The following ATR variants were observed in gnomAD, a reference collection of about 807,000 sequenced individuals.
ATR encodes the protein ATR checkpoint kinase.
A neutral mutation model predicts 305.3 loss-of-function variants in ATR; 142 were observed. The ratio of observed to expected loss-of-function variants is 0.47; its 90% confidence interval spans 0.41 to 0.53. The LOEUF (loss-of-function observed/expected upper bound fraction) is 0.53, where lower values mean the gene tolerates loss of function less well. Among genes scored for constraint, ATR ranks in the 20% least tolerant of loss-of-function variants. ATR has a pLI of 0.00. For synonymous variants in ATR, 1,050 were observed against 1,068.1 expected (o/e 0.98, Z 0.33); for missense variants, 2,135 against 3,133.1 (o/e 0.68, Z 7.60).
At chr3:142,559,162 C>G in intron 7 of ATR, 89 bp downstream of exon 7, 1 of 1,379,948 alleles carries the variant, frequency 7.2e-7, no homozygotes, top group Non-Finnish European at 1.0e-6. Flanking sequence ...ATTCCAAACA[C>G]GCACTTAGGC....
chr3:142,494,198 G>A (rs1197224539), intron 34 of ATR, among the ~76,000 whole-genome samples: 7 of 152,148 alleles, frequency 4.6e-5, no homozygotes, highest in Admixed American at 4.6e-4. Flanking sequence ...GATGTCCGCA[G>A]GTTATATGCA....
chr3:142,559,296 T>C lies in ATR; in HGVS notation c.1687A>G (p.Ile563Val). The change falls in exon 7 of 47, where the codon ATT becomes GTT. Residue 563 changes from isoleucine (I) to valine (V), a missense_variant. Coordinates refer to ENST00000350721, the MANE Select transcript of ATR (RefSeq NM_001184.4). ...SVQKLDLEAT[I>V]DKVVKIYDAL... is the part of the protein sequence containing the mutation. ...TCATAAATTTTCACCACCTTATCAATGGTTGCCTCCAGGTCCAGTTTCTGA... is the reference window on the plus strand; with the variant it reads ...TCATAAATTTTCACCACCTTATCAACGGTTGCCTCCAGGTCCAGTTTCTGA... The C allele has an allele frequency of 6.2e-7, 1 of 1,614,070 alleles. No individual in the cohort carries two copies. Among genetic ancestry groups the C allele is most frequent in the Non-Finnish European group, 8.5e-7 (1 of 1,179,970 alleles).
chr3:142,559,201 T>C lies in ATR; in HGVS notation c.1732+50A>G, dbSNP rs531332221. 78 of 1,573,824 alleles carry C rather than the reference T, an allele frequency of 5.0e-5. No homozygotes were observed. The South Asian group carries it at 8.3e-4, about 17-fold the overall frequency. On this transcript the variant is annotated intron_variant, in intron 7 of 46. Coordinates refer to ENST00000350721, the MANE Select transcript of ATR (RefSeq NM_001184.4). The stretch of plus-strand genomic sequence containing the variant: ...AGGCAAAAAAGAAAGCATATTTCTA[T>C]ACTGATTATCTTTAAAGGTTATTCT...
At chr3:142,479,842 T>G (rs1239471330) in intron 36 of ATR, among the ~76,000 whole-genome samples, 4 of 152,238 alleles carry the variant, frequency 2.6e-5, no homozygotes, top group African/African-American at 9.6e-5. Flanking sequence ...TCATTTGATC[T>G]TCAATCACTG....
intron 16 of ATR, among the ~76,000 whole-genome samples, chr3:142,547,251 G>C (rs1400265961): frequency 6.6e-6 from 1 of 152,006 alleles, no homozygotes; most frequent in Non-Finnish European, 1.5e-5. Flanking sequence ...TCCAATAATG[G>C]ATTAAACTAC....
At chr3:142,501,782 C>T (rs143627025) in intron 30 of ATR, among the ~76,000 whole-genome samples, 2,726 of 152,234 alleles carry the variant, frequency 0.018, 29 homozygotes, top group South Asian at 0.041. Flanking sequence ...TCTCCCTCTG[C>T]TGCCCAGGCT....
chr3:142,555,926 C>T lies in ATR; in HGVS notation c.2292G>A (p.Lys764=), dbSNP rs752532305. 17 of 1,612,598 alleles carry T rather than the reference C, an allele frequency of 1.1e-5. No individual in the cohort carries two copies. The highest frequency in any genetic ancestry group is 1.4e-5 in the Non-Finnish European group (16 of 1,179,598). The part of the protein sequence containing the change: ...SSSQLKASVC[K]PFLFLLKKKI... ...TTTTTTTCAGTAGGAAAAGGAATGG[C>T]TTGCAGACAGAAGCTTTTAGTTGAG... is the stretch of plus-strand genomic sequence containing the variant. Residue 764 remains lysine (K), a synonymous_variant, in exon 10 of 47, where the codon AAG becomes AAA. Coordinates refer to ENST00000350721, the MANE Select transcript of ATR (RefSeq NM_001184.4).
chr3:142,455,322 A>C (rs1235393442), intron 45 of ATR, among the ~76,000 whole-genome samples: 1 of 152,226 alleles, frequency 6.6e-6, no homozygotes, highest in African/African-American at 2.4e-5. Flanking sequence ...AACATGGTTA[A>C]GACAGCAATA....
intron 1 of ATR, among the ~76,000 whole-genome samples, chr3:142,569,464 G>A (rs1465093018): frequency 6.6e-6 from 1 of 152,010 alleles, no homozygotes; most frequent in Non-Finnish European, 1.5e-5. Context: ...GGCACCACAG[G>A]TGCATGTCAC....
At chr3:142,520,364 T>C (rs1401885209) in intron 23 of ATR, among the ~76,000 whole-genome samples, 1 of 152,006 alleles carries the variant, frequency 6.6e-6, no homozygotes, top group African/African-American at 2.4e-5. Context: ...AATCAAAAGC[T>C]AGAAATGACT....
At chr3:142,520,483 A>C (rs2033100484) in intron 23 of ATR, among the ~76,000 whole-genome samples, 1 of 152,198 alleles carries the variant, frequency 6.6e-6, no homozygotes, top group South Asian at 2.1e-4. Flanking sequence ...AGGAAATTAA[A>C]AGTGTTACTC....
intron 17 of ATR, among the ~76,000 whole-genome samples, chr3:142,542,358 C>G (rs2034083923): frequency 6.6e-6 from 1 of 152,170 alleles, no homozygotes; most frequent in Non-Finnish European, 1.5e-5. Flanking sequence ...AAAAGACTGA[C>G]TCTGAGAACT....
At chr3:142,507,492 C>T (rs1316595008) in intron 28 of ATR, among the ~76,000 whole-genome samples, 1 of 152,198 alleles carries the variant, frequency 6.6e-6, no homozygotes, top group Non-Finnish European at 1.5e-5. Flanking sequence ...CTAGTTCGCA[C>T]CCTCCAAGAA....
rs1222408462 is a variant in ATR, at chr3:142,578,680, C to T, written c.25G>A (p.Ala9Thr). The T allele has an allele frequency of 3.1e-6, 5 of 1,613,262 alleles. No individual in the cohort carries two copies. Among genetic ancestry groups the T allele is most frequent in the Non-Finnish European group, 4.2e-6 (5 of 1,179,824 alleles). Residue 9 changes from alanine to threonine, a missense_variant, in exon 1 of 47, where the codon GCT becomes ACT. Ala to Thr is a moderately conservative substitution (Grantham distance 58). Transcript: ENST00000350721. MGEHGLEL[A>T]SMIPALRELG... ...TCCCGCAGGGCGGGGATCATGGAAGCCAGCTCCAGGCCATGTTCCCCCATG... is the reference window on the plus strand; with the variant it reads ...TCCCGCAGGGCGGGGATCATGGAAGTCAGCTCCAGGCCATGTTCCCCCATG...
At chr3:142,572,010 C>T (rs192090648) in intron 1 of ATR, among the ~76,000 whole-genome samples, 120 of 152,086 alleles carry the variant, frequency 7.9e-4, no homozygotes, top group African/African-American at 2.8e-3. Flanking sequence ...AGGTAATCCG[C>T]CCGCCTCAGC....
Position 142,496,334 on chromosome 3 carries a change from A to C in ATR, c.5898+27T>G, listed in dbSNP as rs750739531. ...TATATATATATATATATATATATAT[A>C]TATGATGACATTTCCCTGGCCATTA... On this transcript the variant is annotated intron_variant, in intron 34 of 46. Coordinates refer to ENST00000350721, the MANE Select transcript of ATR (RefSeq NM_001184.4). 2.9e-5 allele frequency: 19 copies of C among 656,040 alleles called. 3 individuals are homozygous for C. Among genetic ancestry groups the C allele is most frequent in the East Asian group, 4.9e-5 (1 of 20,406 alleles). 40.6% of individuals were successfully genotyped at this position (656,040 alleles called of 1,614,324 possible).
At chr3:142,571,563 G>C (rs574738537) in intron 1 of ATR, among the ~76,000 whole-genome samples, 1 of 152,226 alleles carries the variant, frequency 6.6e-6, no homozygotes, top group Non-Finnish European at 1.5e-5. Flanking sequence ...ACTCTACCTA[G>C]AGGATTCACA....
chr3:142,513,481 A>G lies in ATR; in HGVS notation c.4641+20T>C. 1 of 1,612,604 alleles carries G rather than the reference A, an allele frequency of 6.2e-7. No individual in the cohort carries two copies. Among genetic ancestry groups the G allele is most frequent in the East Asian group, 2.2e-5 (1 of 44,718 alleles). ...GTAAGTTTCACATGTTCAAAAACCA[A>G]GTAAGATGATTTATCTCACCTCCTG... On this transcript the variant is annotated intron_variant, in intron 26 of 46. Transcript: ENST00000350721.
intron 3 of ATR, 136 bp downstream of exon 3, chr3:142,565,985 A>C (rs935632427): frequency 1.0e-5 from 11 of 1,082,166 alleles, no homozygotes; most frequent in African/African-American, 1.6e-5. Context: ...AATAACCATT[A>C]CCATTTTGCT....
Sources: gnomAD v4.1 joint callset for allele counts (sites outside exome capture counted in the v4.1 genomes callset) on GRCh38, gnomAD v4.1.1 for gene constraint, MANE v1.5 for transcripts, NCBI Gene and HGNC (gene_info 2026-07-23, HGNC 2026-07-21) for gene names.